Variants in ANKRD36C observed in about 807,000 individuals in gnomAD.
ANKRD36C encodes ankyrin repeat domain-containing protein 36C.
A neutral mutation model predicts 276.4 loss-of-function variants in ANKRD36C; 61 were observed. The ratio of observed to expected loss-of-function variants is 0.22; its 90% CI spans 0.18 to 0.27. The LOEUF (loss-of-function observed/expected upper bound fraction) is 0.27, where lower values mean the gene tolerates loss of function less well. ANKRD36C is among the 10% of genes least tolerant of loss of function. ANKRD36C has a pLI of 1.00. For synonymous variants in ANKRD36C, 483 were observed against 680.1 expected, an observed-to-expected ratio of 0.71 and a Z score of 4.51; for missense variants, 1,447 against 2,032.3, an observed-to-expected ratio of 0.71 and a Z score of 5.54.
chr2:95,936,474 G>C (rs1449778670), intron 22 of ANKRD36C, among the ~76,000 whole-genome samples: 2 of 152,262 alleles, frequency 1.3e-5, no homozygotes, highest in Admixed American at 1.3e-4. Flanking sequence ...TCCTATTGTT[G>C]CTGTGTGACC....
chr2:95,957,143 C>T (rs1307703497), intron 12 of ANKRD36C, among the ~76,000 whole-genome samples: 1 of 152,242 alleles, frequency 6.6e-6, no homozygotes, highest in East Asian at 1.9e-4. Context: ...TGGCGAAAGC[C>T]GGTCTCTAGT....
rs1676761989 is a variant in ANKRD36C, at chr2:95,906,474, G to C, written c.2653+5770C>G. Among the ~76,000 whole-genome samples the C allele has an allele frequency of 1.8e-5, 2 of 113,758 alleles. 1 individual carries two copies. The highest frequency in any genetic ancestry group is 3.8e-5 in the Non-Finnish European group (2 of 52,896). 74.6% of individuals were successfully genotyped at this position (113,758 alleles called of 152,430 possible). ...ACAGTGAAGATCATGTTCCAGACCA[G>C]CAGCATCAGCATAACCCAAGAACTT... On this transcript the variant is annotated intron_variant, in intron 42 of 66. Transcript: ENST00000456556.
Position 95,927,691 on chromosome 2 carries a change from G to A in ANKRD36C, c.1838-282C>T, listed in dbSNP as rs200586756. ...GTCAATATCAATGTGGATATGCCGA[G>A]TGATGAGGACAAATCAGAGGAGTAA... On this transcript the variant is annotated intron_variant, in intron 26 of 66. Coordinates refer to ENST00000456556, the Ensembl canonical transcript of ANKRD36C. Among the ~76,000 whole-genome samples, 5 of 151,734 alleles carry A rather than the reference G, an allele frequency of 3.3e-5. No homozygotes were observed. In the East Asian group the frequency reaches 7.8e-4, roughly 24 times the overall value.
At chr2:95,958,057 C>T (rs1166326567) in intron 12 of ANKRD36C, among the ~76,000 whole-genome samples, 2 of 152,258 alleles carry the variant, frequency 1.3e-5, no homozygotes, top group African/African-American at 2.4e-5. Flanking sequence ...AGTGAGTTCC[C>T]TCAGGTTTCC....
chr2:95,892,714 T>C (rs1236328367), intron 44 of ANKRD36C, among the ~76,000 whole-genome samples: 1 of 151,350 alleles, frequency 6.6e-6, no homozygotes, highest in Non-Finnish European at 1.5e-5. Context: ...TAAAATAGCC[T>C]TGTTGGGAGT....
At chr2:95,953,671 C>T (rs561861623) in intron 14 of ANKRD36C, among the ~76,000 whole-genome samples, 33 of 152,116 alleles carry the variant, frequency 2.2e-4, no homozygotes, top group African/African-American at 7.2e-4. Context: ...AAAGCATTCC[C>T]GAACATCATT....
intron 42 of ANKRD36C, 25 bp downstream of exon 53, chr2:95,903,028 A>C (rs182211133): frequency 6.4e-7 from 1 of 1,570,584 alleles, no homozygotes; most frequent in Admixed American, 1.8e-5. Context: ...TTACTAGTTC[A>C]CAATATAAAT....
intron 28 of ANKRD36C, among the ~76,000 whole-genome samples, chr2:95,926,189 G>T (rs1180527394): frequency 3.3e-5 from 5 of 151,450 alleles, no homozygotes; most frequent in African/African-American, 1.2e-4. Flanking sequence ...CTACAGAAAG[G>T]TTCTTCGTCC....
At chr2:95,973,777 C>T (rs1421243250) in intron 6 of ANKRD36C, among the ~76,000 whole-genome samples, 5 of 152,068 alleles carry the variant, frequency 3.3e-5, no homozygotes, top group East Asian at 1.9e-4. Flanking sequence ...CACGATGGCT[C>T]GTAACTATAA....
rs556403597 is a variant in ANKRD36C at position 95,876,697 on chromosome 2, A to G, written c.3470-188T>C. On this transcript the variant is annotated intron_variant, in intron 58 of 66. Transcript: ENST00000456556. ...AAACCCCGTCTCTACTAAAAAATAC[A>G]AAAAATTAGCTGGGCGTGGTGGTGG... Among the ~76,000 whole-genome samples, 3 of 149,608 alleles carry G rather than the reference A, an allele frequency of 2.0e-5. No homozygotes were observed. In the South Asian group the frequency reaches 6.3e-4, roughly 32 times the overall value.
chr2:95,913,989 T>A, intron 40 of ANKRD36C, 119 bp downstream of exon 42: 1 of 1,090,302 alleles, frequency 9.2e-7, no homozygotes, highest in Non-Finnish European at 1.3e-6. Context: ...AAATGAAGAA[T>A]CTCAGGACTG....
intron 60 of ANKRD36C, among the ~76,000 whole-genome samples, chr2:95,860,430 G>T (rs1245395011): frequency 6.6e-6 from 1 of 152,034 alleles, no homozygotes; most frequent in Non-Finnish European, 1.5e-5. Flanking sequence ...AATGAAGGAT[G>T]AAAAAGAAGC....
rs374783231 is a variant in ANKRD36C at position 95,911,644 on chromosome 2, A to C, written c.2653+600T>G. Among the ~76,000 whole-genome samples the C allele has an allele frequency of 2.2e-4, 33 of 151,632 alleles. 2 individuals carry two copies. In the East Asian group the frequency reaches 4.5e-3, roughly 21 times the overall value. On this transcript the variant is annotated intron_variant, in intron 42 of 66. Transcript: ENST00000456556. The stretch of plus-strand genomic sequence containing the variant: ...AATTCAAACACTGTTTCCTGCTTCC[A>C]GCAGTTGCTGGAGCTGCCAAAAACA...
chr2:95,967,378 T>C (rs577495726), intron 6 of ANKRD36C, among the ~76,000 whole-genome samples: 155 of 152,054 alleles, frequency 1.0e-3, no homozygotes, highest in African/African-American at 3.5e-3. Flanking sequence ...CCAAGAAACA[T>C]CTGAAAAAAA....
At chr2:95,926,731 ACTT>A (rs1677411772) in intron 28 of ANKRD36C, among the ~76,000 whole-genome samples, 1 of 151,554 alleles carries the variant, frequency 6.6e-6, no homozygotes, top group Non-Finnish European at 1.5e-5. Flanking sequence ...TACATAAATA[ACTT>A]CTTATTTTCC....
intron 44 of ANKRD36C, among the ~76,000 whole-genome samples, chr2:95,893,046 G>A (rs527277872): frequency 6.6e-6 from 1 of 151,152 alleles, no homozygotes; most frequent in Non-Finnish European, 1.5e-5. Context: ...TTATATAAAT[G>A]ACTGCCTCTT....
At chr2:95,897,547 C>A (rs1676590364) in intron 44 of ANKRD36C, 82 bp from the exon 59 acceptor site, 3 of 1,497,582 alleles carry the variant, frequency 2.0e-6, no homozygotes, top group Non-Finnish European at 1.8e-6. Flanking sequence ...TTAGCATCAA[C>A]CTCCGTCCTC....
chr2:95,971,531 T>A (rs1678697824), intron 6 of ANKRD36C, among the ~76,000 whole-genome samples: 1 of 152,034 alleles, frequency 6.6e-6, no homozygotes, highest in South Asian at 2.1e-4. Flanking sequence ...CACTGAATCT[T>A]CTATTACTAA....
chr2:95,879,566 C>G (rs1454727112), intron 58 of ANKRD36C, among the ~76,000 whole-genome samples: 1 of 151,968 alleles, frequency 6.6e-6, no homozygotes, highest in African/African-American at 2.4e-5. Context: ...ACTCCATAAA[C>G]ATAAACACCT....
Sources: allele counts gnomAD v4.1 joint callset (sites outside exome capture counted in the v4.1 genomes callset), GRCh38; gene constraint gnomAD v4.1.1; transcripts MANE v1.5; gene names NCBI Gene and HGNC (gene_info 2026-07-23, HGNC 2026-07-21).